The following USH2A variants were observed in gnomAD, a reference collection of about 807,000 sequenced individuals.
USH2A encodes usherin.
Under a neutral mutation model 538.9 loss-of-function variants are expected in USH2A, and 443 were observed. That is an observed-to-expected ratio of 0.82 (90% CI 0.76 to 0.89). The LOEUF is 0.89. Among genes scored for constraint, USH2A ranks in the 40% least tolerant of loss-of-function variants. The pLI, the probability that USH2A is intolerant of heterozygous loss-of-function variation, is 0.00. For missense variants in USH2A, 6,633 were observed against 6,324.8 expected (o/e 1.05, Z -1.65); for synonymous variants, 2,413 against 2,273.5 (o/e 1.06, Z -1.75).
intron 9 of USH2A, among the ~76,000 whole-genome samples, chr1:216,294,504 C>T (rs2037066550): frequency 6.6e-6 from 1 of 151,166 alleles, no homozygotes; most frequent in Admixed American, 6.6e-5. Context: ...ACATTCAACC[C>T]TTCTGCAATC....
chr1:216,028,207 G>A (rs1669014575), intron 32 of USH2A, among the ~76,000 whole-genome samples: 1 of 152,026 alleles, frequency 6.6e-6, no homozygotes, highest in Admixed American at 6.6e-5. Flanking sequence ...GGCTAACACG[G>A]TGAAACCCTG....
At chr1:216,029,463 T>A (rs1194732422) in intron 32 of USH2A, among the ~76,000 whole-genome samples, 1 of 152,112 alleles carries the variant, frequency 6.6e-6, no homozygotes, top group Admixed American at 6.6e-5. Context: ...ATTACATTTT[T>A]AATTATGTTA....
chr1:216,231,246 A>G (rs1456194761), intron 14 of USH2A, among the ~76,000 whole-genome samples: 2 of 68,964 alleles, frequency 2.9e-5, no homozygotes, highest in African/African-American at 1.0e-4. Flanking sequence ...ATATATATAT[A>G]TATTATATAT....
At chr1:215,791,934 A>G (rs1001889096) in intron 50 of USH2A, among the ~76,000 whole-genome samples, 4 of 152,184 alleles carry the variant, frequency 2.6e-5, no homozygotes, top group African/African-American at 7.2e-5. Flanking sequence ...CGTAGCTTCA[A>G]GTTTTATATT....
In USH2A at chr1:216,393,363, G is replaced by A. The variant is rs556224450; in HGVS notation, c.651+25151C>T. 5.3e-4 allele frequency among the ~76,000 whole-genome samples: 80 copies of A among 152,268 alleles called. 1 individual carries two copies. Among genetic ancestry groups the A allele is most frequent in the Admixed American group, 2.5e-3 (39 of 15,304 alleles). On this transcript the variant is annotated intron_variant, in intron 3 of 71. Coordinates refer to ENST00000307340, the MANE Select transcript of USH2A (RefSeq NM_206933.4). Reference sequence around the variant, plus strand: ...AAATTTAATCAAGGAAGTTCCTAAAGTACTAAAATTACGTAAAGCAAACAT... The same window carrying A: ...AAATTTAATCAAGGAAGTTCCTAAAATACTAAAATTACGTAAAGCAAACAT...
At chr1:215,723,048 G>A (rs943439387) in intron 61 of USH2A, among the ~76,000 whole-genome samples, 6 of 152,054 alleles carry the variant, frequency 3.9e-5, no homozygotes, top group Non-Finnish European at 1.5e-5. Context: ...TTTCTTTCCT[G>A]ACACCGCACA....
chr1:215,941,748 A>T (rs1227190229), intron 37 of USH2A, among the ~76,000 whole-genome samples: 1 of 152,116 alleles, frequency 6.6e-6, no homozygotes, highest in East Asian at 1.9e-4. Context: ...TCTTTGTTTA[A>T]TGACATGTTT....
chr1:216,019,982 T>G (rs540353629), intron 32 of USH2A, among the ~76,000 whole-genome samples: 292 of 152,310 alleles, frequency 1.9e-3, no homozygotes, highest in African/African-American at 6.9e-3. Flanking sequence ...TAACAACTAG[T>G]AGTATTTGGC....
intron 9 of USH2A, among the ~76,000 whole-genome samples, chr1:216,319,457 A>G (rs1018482398): frequency 3.3e-5 from 5 of 152,184 alleles, no homozygotes; most frequent in African/African-American, 1.2e-4. Flanking sequence ...ATAATATACT[A>G]ATGAAATCAA....
At chr1:216,313,228 G>C (rs2102640009) in intron 9 of USH2A, among the ~76,000 whole-genome samples, 1 of 152,298 alleles carries the variant, frequency 6.6e-6, no homozygotes. Flanking sequence ...AGCTCAGGAA[G>C]TAATGATAGC....
chr1:215,775,528 G>A (rs1661437016), intron 55 of USH2A, among the ~76,000 whole-genome samples: 2 of 152,118 alleles, frequency 1.3e-5, no homozygotes, highest in Non-Finnish European at 2.9e-5. Flanking sequence ...TACTGTCTCT[G>A]TACTTAAAAA....
At chr1:215,915,703 C>T (rs1040020010) in intron 38 of USH2A, among the ~76,000 whole-genome samples, 5 of 151,800 alleles carry the variant, frequency 3.3e-5, no homozygotes, top group African/African-American at 1.2e-4. Flanking sequence ...ACCCAAAGGA[C>T]TATAAATCAT....
chr1:216,037,303 A>G (rs1170522789), intron 32 of USH2A, among the ~76,000 whole-genome samples: 1 of 152,136 alleles, frequency 6.6e-6, no homozygotes, highest in Admixed American at 6.6e-5. Flanking sequence ...GGGCATTTTA[A>G]TGCTAAAGCT....
intron 4 of USH2A, among the ~76,000 whole-genome samples, chr1:216,352,025 T>A (rs116747224): frequency 0.015 from 2,285 of 152,248 alleles, 56 homozygotes; most frequent in African/African-American, 0.052. Flanking sequence ...AAAGTAAGTT[T>A]AATTTTGAAA....
intron 40 of USH2A, among the ~76,000 whole-genome samples, chr1:215,893,277 A>G (rs955106024): frequency 6.6e-5 from 10 of 152,196 alleles, no homozygotes; most frequent in Non-Finnish European, 1.3e-4. Flanking sequence ...ATAGAAAATG[A>G]TTATGGTAAA....
At chr1:215,927,636 G>A (rs1188662824) in intron 38 of USH2A, among the ~76,000 whole-genome samples, 1 of 152,076 alleles carries the variant, frequency 6.6e-6, no homozygotes, top group Non-Finnish European at 1.5e-5. Flanking sequence ...AACAGTGGGA[G>A]AAAGCAAAGA....
At chr1:215,864,196 G>A (rs755325629) in intron 44 of USH2A, among the ~76,000 whole-genome samples, 7 of 152,130 alleles carry the variant, frequency 4.6e-5, no homozygotes, top group Non-Finnish European at 8.8e-5. Context: ...TGACTGTTAA[G>A]TCTAAACGCA....
intron 21 of USH2A, among the ~76,000 whole-genome samples, chr1:216,102,889 C>T (rs1339413981): frequency 2.0e-5 from 3 of 152,204 alleles, no homozygotes; most frequent in Non-Finnish European, 4.4e-5. Flanking sequence ...TCCAGCCCCA[C>T]CCAAATGCAT....
chr1:215,788,307 C>A (rs1195019560), intron 51 of USH2A, among the ~76,000 whole-genome samples: 1 of 152,046 alleles, frequency 6.6e-6, no homozygotes. Context: ...GAGAAGCCAC[C>A]TGACTAGATA....
Sources: allele counts gnomAD v4.1 joint callset (sites outside exome capture counted in the v4.1 genomes callset), GRCh38; gene constraint gnomAD v4.1.1; transcripts MANE v1.5; gene names NCBI Gene and HGNC (gene_info 2026-07-23, HGNC 2026-07-21).